Variants in CD101 observed in about 807,000 individuals in gnomAD.
The protein encoded by CD101 is immunoglobulin superfamily member 2.
A neutral mutation model predicts 98.2 loss-of-function variants in CD101; 76 were observed. The observed-to-expected ratio is 0.77, with a 90% confidence interval of 0.64 to 0.94. The LOEUF (loss-of-function observed/expected upper bound fraction) is 0.94. Among genes scored for constraint, CD101 ranks in the 40% least tolerant of loss-of-function variants. The pLI, the probability that CD101 is intolerant of heterozygous loss-of-function variation, is 0.00. For missense variants in CD101, 1,145 were observed against 1,218.8 expected, an observed-to-expected ratio of 0.94 and a Z score of 0.90; for synonymous variants, 471 against 472.7, an observed-to-expected ratio of 1.00 and a Z score of 0.05.
rs562476710 is a variant in CD101, at chr1:117,007,999, C to A, written c.44-1851C>A. On this transcript the variant is annotated intron_variant, in intron 1 of 9. Coordinates refer to ENST00000682167, the MANE Select transcript of CD101 (RefSeq NM_001256106.3). The stretch of plus-strand genomic sequence containing the variant: ...GCTTGGTGCACACATTTCTCTAAGA[C>A]GACATTACTGAAAAGTGTCTTAAAC... Among the ~76,000 whole-genome samples, 8 of 152,216 alleles carry A rather than the reference C, an allele frequency of 5.3e-5. No individual in the cohort carries two copies. In the South Asian group the frequency reaches 1.2e-3, roughly 24 times the overall value.
At chr1:117,032,829 G>T (rs1654546198) in intron 8 of CD101, 1 of 152,328 alleles carries the variant, frequency 6.6e-6, no homozygotes, top group African/African-American at 2.4e-5. Context: ...GTGTGGCCAG[G>T]AGCCACTTTG....
At position 117,021,161 on chromosome 1, in the gene CD101, C is replaced by T. The variant is rs1032995227; in HGVS notation, c.2018-412C>T. On this transcript the variant is annotated intron_variant, in intron 6 of 9. Transcript: ENST00000682167. The surrounding 1 kb of genome is among the most constrained non-coding windows in gnomAD (Gnocchi z 4.7). ...AACACAGCATTAATAGGGCCACTTT[C>T]TCCCAATCTGATACATGAAATATGA... 6.6e-6 allele frequency among the ~76,000 whole-genome samples: 1 copy of T among 152,226 alleles called. No homozygotes were observed. The highest frequency in any genetic ancestry group is 1.5e-5 in the Non-Finnish European group (1 of 68,046).
intron 1 of CD101, 137 bp from the exon 2 acceptor site, chr1:117,009,713 A>T (rs1652761629): frequency 2.4e-6 from 2 of 851,058 alleles, no homozygotes; most frequent in Admixed American, 5.3e-5. Flanking sequence ...GAAGATGTTG[A>T]ACATTTGAGT....
chr1:117,025,659 A>T lies in CD101; in HGVS notation c.2579A>T (p.Lys860Ile). The stretch of plus-strand genomic sequence containing the variant: ...TGGAACAGAGAAAACTCTGGAAGTA[A>T]ATTGCTGGTGCACTTGCAACATGAT... ...WYWNRENSGS[K>I]LLVHLQHDGL... is the part of the protein sequence containing the mutation. Residue 860 changes from lysine to isoleucine, a missense_variant, in exon 8 of 10, where the codon AAA (lysine) becomes ATA (isoleucine). By Grantham distance (102) the Lys-to-Ile change is moderately radical (BLOSUM62 -3). Coordinates refer to ENST00000682167, the MANE Select transcript of CD101 (RefSeq NM_001256106.3). The T allele has an allele frequency of 6.2e-7, 1 of 1,614,182 alleles. No individual in the cohort carries two copies.
At chr1:117,014,994 A>C (rs1653121593) in intron 4 of CD101, among the ~76,000 whole-genome samples, 1 of 152,252 alleles carries the variant, frequency 6.6e-6, no homozygotes, top group African/African-American at 2.4e-5. Flanking sequence ...ACATATCTGC[A>C]GGCTTTTGTA....
intron 9 of CD101, 49 bp downstream of exon 9, chr1:117,034,183 C>G: frequency 6.6e-7 from 1 of 1,517,980 alleles, no homozygotes; most frequent in African/African-American, 1.4e-5. Context: ...AATCCTGGTT[C>G]TGTCCTCAAC....
intron 8 of CD101, among the ~76,000 whole-genome samples, chr1:117,030,815 T>C (rs926610696): frequency 7.2e-5 from 11 of 152,184 alleles, no homozygotes; most frequent in Non-Finnish European, 1.6e-4. Flanking sequence ...GGGGAAGAGT[T>C]GGCAGCCCCC....
Position 117,022,103 on chromosome 1 carries a change from G to A in CD101, c.2428+120G>A. ...AATATGACCTAAAGTCATAGGAACA[G>A]TATCTACCTACACATGACTGCAAGA... On this transcript the variant is annotated intron_variant, in intron 7 of 9. Coordinates refer to ENST00000682167, the MANE Select transcript of CD101 (RefSeq NM_001256106.3). This position sits in a 1 kb window ranked among gnomAD's most constrained non-coding sequence, Gnocchi z 4.8. 1.8e-6 allele frequency: 2 copies of A among 1,115,216 alleles called. No homozygotes were observed. The highest frequency in any genetic ancestry group is 2.6e-6 in the Non-Finnish European group (2 of 779,780). 69.1% of individuals were successfully genotyped at this position (1,115,216 alleles called of 1,614,324 possible).
chr1:117,003,838 A>G (rs1312424405), intron 1 of CD101, among the ~76,000 whole-genome samples: 2 of 152,258 alleles, frequency 1.3e-5, no homozygotes, highest in Non-Finnish European at 2.9e-5. Context: ...TATGTGAAGA[A>G]TACATAAATC....
chr1:117,034,382 T>C (rs1654670302), intron 9 of CD101: 2 of 432,452 alleles, frequency 4.6e-6, no homozygotes, highest in South Asian at 4.9e-5. Flanking sequence ...TGCAAGGAGA[T>C]AAGAGGCTCC....
At chr1:117,028,779 C>A (rs1654125798) in intron 8 of CD101, among the ~76,000 whole-genome samples, 1 of 151,986 alleles carries the variant, frequency 6.6e-6, no homozygotes, top group African/African-American at 2.4e-5. Context: ...GGGAAAGTAT[C>A]CATTGGATTT....
At chr1:117,031,700 A>C (rs978004286) in intron 8 of CD101, among the ~76,000 whole-genome samples, 5 of 152,220 alleles carry the variant, frequency 3.3e-5, no homozygotes, top group Non-Finnish European at 5.9e-5. Context: ...TGCTTTAGGC[A>C]CTTCGTTAGA....
intron 1 of CD101, among the ~76,000 whole-genome samples, chr1:117,009,530 A>G (rs1652748289): frequency 6.6e-6 from 1 of 152,262 alleles, no homozygotes; most frequent in Non-Finnish European, 1.5e-5. Context: ...TAAAGTTACC[A>G]TACATTTATT....
In CD101 at chr1:117,008,633, C is replaced by T. The variant is rs560151251; in HGVS notation, c.44-1217C>T. On this transcript the variant is annotated intron_variant, in intron 1 of 9. Coordinates refer to ENST00000682167, the MANE Select transcript of CD101 (RefSeq NM_001256106.3). ...CTTTTGCCCTTTTTTGTAGTTCCCTCCTATCCCTTAGAATTATTTTCATTT... is the reference window on the plus strand; with the variant it reads ...CTTTTGCCCTTTTTTGTAGTTCCCTTCTATCCCTTAGAATTATTTTCATTT... 7.9e-5 allele frequency among the ~76,000 whole-genome samples: 12 copies of T among 152,256 alleles called. No individual in the cohort carries two copies. In the East Asian group the frequency reaches 1.9e-3, roughly 24 times the overall value.
intron 8 of CD101, among the ~76,000 whole-genome samples, chr1:117,029,245 G>GA (rs1389497267): frequency 7.0e-6 from 1 of 143,202 alleles, no homozygotes; most frequent in Non-Finnish European, 1.5e-5. Context: ...AAGAAAGAAA[G>GA]AAAGAAAGAA....
rs573909960 is a variant in CD101, at chr1:117,019,484, G to C, written c.2017+924G>C. Reference sequence around the variant, plus strand: ...GTATTTGCAATTGCTGCCCCAATCTGTCTTCTTGAAACTTCTTTTTTCCTT... The same window carrying C: ...GTATTTGCAATTGCTGCCCCAATCTCTCTTCTTGAAACTTCTTTTTTCCTT... On this transcript the variant is annotated intron_variant, in intron 6 of 9. Transcript: ENST00000682167. This position sits in a 1 kb window ranked among gnomAD's most constrained non-coding sequence, Gnocchi z 4.3. 6.6e-6 allele frequency among the ~76,000 whole-genome samples: 1 copy of C among 152,210 alleles called. No individual in the cohort carries two copies. Among genetic ancestry groups the C allele is most frequent in the Non-Finnish European group, 1.5e-5 (1 of 68,012 alleles).
Position 117,016,961 on chromosome 1 carries a change from C to T in CD101, c.1229-129C>T, listed in dbSNP as rs1386127085. On this transcript the variant is annotated intron_variant, in intron 4 of 9. Coordinates refer to ENST00000682167, the MANE Select transcript of CD101 (RefSeq NM_001256106.3). Reference sequence around the variant, plus strand: ...GCAAATCTTTTGCCTGAGGGTGGTGCAAGAGGAAACAGCCCAATTTGACTT... The same window carrying T: ...GCAAATCTTTTGCCTGAGGGTGGTGTAAGAGGAAACAGCCCAATTTGACTT... 4 of 949,628 alleles carry T rather than the reference C, an allele frequency of 4.2e-6. No individual in the cohort carries two copies. In the African/African-American group the frequency reaches 5.0e-5, roughly 12 times the overall value. The allele number at this position is 949,628 out of a possible 1,614,324, so 58.8% of individuals were successfully genotyped here.
At position 117,018,585 on chromosome 1, in the gene CD101, CTG is replaced by C. The variant is rs1653394157; in HGVS notation, c.2017+27_2017+28del. 2.6e-6 allele frequency: 4 copies of C among 1,539,858 alleles called. No homozygotes were observed. The African/African-American group carries it at 4.2e-5, about 16-fold the overall frequency. ...GGTAAGTGTGACTTGAAATTAATCCCTGTTTTAAAAACAAACAAATAGCAATC... is the reference window on the plus strand; with the variant it reads ...GGTAAGTGTGACTTGAAATTAATCCCTTTTAAAAACAAACAAATAGCAATC... On this transcript the variant is annotated intron_variant, in intron 6 of 9. Transcript: ENST00000682167. This position sits in a 1 kb window ranked among gnomAD's most constrained non-coding sequence, Gnocchi z 4.3.
Position 117,004,378 on chromosome 1 carries a change from A to G in CD101, c.43+2518A>G, listed in dbSNP as rs942370643. ...TTTTTGGTATAAAAAGTGCTCAAGT[A>G]TGGACCATTTTATACAGTTCAACCT... On this transcript the variant is annotated intron_variant, in intron 1 of 9. Coordinates refer to ENST00000682167, the MANE Select transcript of CD101 (RefSeq NM_001256106.3). This position sits in a 1 kb window ranked among gnomAD's most constrained non-coding sequence, Gnocchi z 4.1. 2.0e-5 allele frequency among the ~76,000 whole-genome samples: 3 copies of G among 152,236 alleles called. No individual in the cohort carries two copies. The highest frequency in any genetic ancestry group is 2.9e-5 in the Non-Finnish European group (2 of 68,040).
Sources: gnomAD v4.1 joint callset for allele counts (sites outside exome capture counted in the v4.1 genomes callset) on GRCh38, gnomAD v4.1.1 for gene constraint, Gnocchi (gnomAD v3.1) non-coding constraint, MANE v1.5 for transcripts, NCBI Gene and HGNC (gene_info 2026-07-23, HGNC 2026-07-21) for gene names.